Variants in SSBP4 observed in about 807,000 individuals in gnomAD.
The protein encoded by SSBP4 is single-stranded DNA-binding protein 4.
SSBP4 carries 33 observed loss-of-function variants against 64.6 expected under a neutral mutation model. That is an observed-to-expected ratio of 0.51 (90% confidence interval 0.39 to 0.68). The LOEUF is 0.68. Ranked by LOEUF, SSBP4 falls within the 30% of genes least tolerant of loss-of-function variation. SSBP4 has a pLI of 0.00. For missense variants in SSBP4, 583 were observed against 566.8 expected, an observed-to-expected ratio of 1.03 and a Z score of -0.29; for synonymous variants, 243 against 224.0, an observed-to-expected ratio of 1.08 and a Z score of -0.76.
chr19:18,404,267 C>A, the SSBP4 span, among the ~76,000 whole-genome samples: 1 of 151,736 alleles, frequency 6.6e-6, no homozygotes, highest in African/African-American at 2.4e-5. Flanking sequence ...CCTCAGAGAC[C>A]CTCAGAGATC....
At position 18,434,498 on chromosome 19, in the gene SSBP4, C is replaced by A. The variant is rs149055028; in HGVS notation, c.*252C>A. The A allele has an allele frequency of 1.4e-6, 1 of 736,660 alleles. No homozygotes were observed. The highest frequency in any genetic ancestry group is 3.6e-5 in the Admixed American group (1 of 27,542). 45.6% of individuals were successfully genotyped at this position (736,660 alleles called of 1,614,324 possible). On this transcript the variant is annotated 3_prime_UTR_variant, in exon 18 of 18. Coordinates refer to ENST00000270061, the MANE Select transcript of SSBP4 (RefSeq NM_032627.5). ...AGAGAGAAAGGCTCTTTGGGGGGCC[C>A]CTCTCCCCAGGACGTCAGGGGGTGG...
intron 1 of SSBP4, chr19:18,425,896 CCT>C (rs1568347157): frequency 6.6e-6 from 1 of 152,466 alleles, no homozygotes; most frequent in Non-Finnish European, 1.5e-5. Flanking sequence ...ACAGAGCTCA[CCT>C]CTCTTGACAG....
At chr19:18,416,717 T>TA (rs548283452), upstream of SSBP4, among the ~76,000 whole-genome samples, 15 of 152,358 alleles carry the variant, frequency 9.8e-5, no homozygotes, top group East Asian at 2.7e-3. Context: ...CCTTGGCCCT[T>TA]ACTGTGACTA....
chr19:18,406,795 GC>G, the SSBP4 span, among the ~76,000 whole-genome samples: 1 of 152,166 alleles, frequency 6.6e-6, no homozygotes, highest in African/African-American at 2.4e-5. Context: ...GGTCTGAGGG[GC>G]TCTGGAGCCA....
Position 18,433,230 on chromosome 19 carries a change from G to T in SSBP4, c.991+17G>T, listed in dbSNP as rs771084251. On this transcript the variant is annotated intron_variant, in intron 15 of 17. Coordinates refer to ENST00000270061, the MANE Select transcript of SSBP4 (RefSeq NM_032627.5). Reference sequence around the variant, plus strand: ...GATCCCTGGGTGAGTGGGCGTCCCTGCTCCCGCCCACGTTGCCTTCCGGGC... The same window carrying T: ...GATCCCTGGGTGAGTGGGCGTCCCTTCTCCCGCCCACGTTGCCTTCCGGGC... 3.0e-5 allele frequency: 46 copies of T among 1,549,746 alleles called. No individual in the cohort carries two copies. The highest frequency in any genetic ancestry group is 3.9e-5 in the Admixed American group (2 of 51,208).
upstream of SSBP4, among the ~76,000 whole-genome samples, chr19:18,417,744 C>G (rs1039245217): frequency 6.6e-6 from 1 of 152,082 alleles, no homozygotes; most frequent in Non-Finnish European, 1.5e-5. This position sits in a 1 kb window ranked among gnomAD's most constrained non-coding sequence, Gnocchi z 5.4. Flanking sequence ...GTGGGAAGGG[C>G]TGGCGTCCCC....
intron 4 of SSBP4, among the ~76,000 whole-genome samples, chr19:18,429,433 C>G (rs1439405802): frequency 1.4e-5 from 2 of 147,126 alleles, no homozygotes; most frequent in Non-Finnish European, 3.0e-5. Context: ...ATTAACTGCT[C>G]AGGGCCTAGA....
rs1405145252 is a variant in SSBP4, at chr19:18,432,814, G to C, written c.787-15G>C. 6 of 1,613,856 alleles carry C rather than the reference G, an allele frequency of 3.7e-6. No individual in the cohort carries two copies. Among genetic ancestry groups the C allele is most frequent in the Admixed American group, 1.7e-5 (1 of 59,992 alleles). Reference sequence around the variant, plus strand: ...TGAGGGGCCATTTCTCACGGTTCCTGTCTCTTGTGTGCAGGGACCCCCAGG... The same window carrying C: ...TGAGGGGCCATTTCTCACGGTTCCTCTCTCTTGTGTGCAGGGACCCCCAGG... On this transcript the variant is annotated splice_polypyrimidine_tract_variant and intron_variant, in intron 12 of 17. Transcript: ENST00000270061.
At chr19:18,418,870 G>T, upstream of SSBP4, 1 of 720,478 alleles carries the variant, frequency 1.4e-6, no homozygotes. The surrounding 1 kb of genome is among the most constrained non-coding windows in gnomAD (Gnocchi z 6.7). Context: ...GTGTGCGGTG[G>T]CCTGTGTTTA....
rs926353459 is a variant in SSBP4 at position 18,426,454 on chromosome 19, T to C, written c.60-897T>C. On this transcript the variant is annotated intron_variant, in intron 1 of 17. Coordinates refer to ENST00000270061, the MANE Select transcript of SSBP4 (RefSeq NM_032627.5). The surrounding 1 kb of genome is among the most constrained non-coding windows in gnomAD (Gnocchi z 4.5). ...AGCTCTGAGCAGGGAGCGGCTCAGTTCCAGGGAGGTCCAGAAGGGCTGGTG... is the reference window on the plus strand; with the variant it reads ...AGCTCTGAGCAGGGAGCGGCTCAGTCCCAGGGAGGTCCAGAAGGGCTGGTG... Among the ~76,000 whole-genome samples, 2 of 152,146 alleles carry C rather than the reference T, an allele frequency of 1.3e-5. No homozygotes were observed. Among genetic ancestry groups the C allele is most frequent in the African/African-American group, 2.4e-5 (1 of 41,414 alleles).
intron 1 of SSBP4, among the ~76,000 whole-genome samples, chr19:18,420,658 G>C (rs1182653319): frequency 4.6e-5 from 7 of 152,058 alleles, no homozygotes; most frequent in Non-Finnish European, 1.0e-4. Flanking sequence ...AAGAGATCGA[G>C]ACAATCCTGG....
chr19:18,415,188 GA>G (rs1174019032), upstream of SSBP4, among the ~76,000 whole-genome samples: 1 of 152,278 alleles, frequency 6.6e-6, no homozygotes, highest in East Asian at 1.9e-4. Flanking sequence ...CTTCTGAGAG[GA>G]AACGGTCTCC....
chr19:18,432,020 C>G lies in SSBP4; in HGVS notation c.586C>G (p.Pro196Ala). 6.4e-7 allele frequency: 1 copy of G among 1,574,062 alleles called. No homozygotes were observed. The highest frequency in any genetic ancestry group is 8.7e-7 in the Non-Finnish European group (1 of 1,155,766). ...CCCAGGGCATCCGAGCATGGGCGGC[C>G]CAATGCAGAGGGTGACGCCTCCTCG... ...RAQGHPSMGG[P>A]MQRVTPPRGM... Residue 196 changes from proline to alanine, a missense_variant, in exon 9 of 18, where the codon CCA becomes GCA. This residue lies in a region of SSBP4 where 444 missense variants were observed against 386.6 expected (regional missense o/e 1.15). Transcript: ENST00000270061.
chr19:18,424,285 C>T (rs1186879271), intron 1 of SSBP4, among the ~76,000 whole-genome samples: 1 of 152,314 alleles, frequency 6.6e-6, no homozygotes, highest in African/African-American at 2.4e-5. Context: ...GTCCCCGGGC[C>T]GGTTTGTTCA....
At chr19:18,408,929 C>T in the SSBP4 span, among the ~76,000 whole-genome samples, 1 of 152,030 alleles carries the variant, frequency 6.6e-6, no homozygotes, top group Non-Finnish European at 1.5e-5. Context: ...CCTCCTGGCT[C>T]AGCCTCCCAT....
chr19:18,422,308 A>C (rs1972521014), intron 1 of SSBP4, among the ~76,000 whole-genome samples: 1 of 152,028 alleles, frequency 6.6e-6, no homozygotes, highest in South Asian at 2.1e-4. Context: ...CTGTCCTCCC[A>C]CTCCCCAACC....
In SSBP4 at chr19:18,427,667, T is replaced by C; in HGVS notation, c.133-85T>C. The stretch of plus-strand genomic sequence containing the variant: ...TACCCTTCCCTCCCCACTCCCTCCC[T>C]GCCCAGATGTTCTCTGGGCACCCTG... On this transcript the variant is annotated intron_variant, in intron 2 of 17. Coordinates refer to ENST00000270061, the MANE Select transcript of SSBP4 (RefSeq NM_032627.5). The surrounding 1 kb of genome is among the most constrained non-coding windows in gnomAD (Gnocchi z 4.4). The C allele has an allele frequency of 6.8e-7, 1 of 1,466,642 alleles. No homozygotes were observed. Among genetic ancestry groups the C allele is most frequent in the Non-Finnish European group, 9.2e-7 (1 of 1,087,884 alleles). The allele number at this position is 1,466,642 out of a possible 1,614,324, so 90.9% of individuals were successfully genotyped here. A position where few individuals can be genotyped will look rare whatever the true frequency, so the allele number is the denominator to read the frequency against.
upstream of SSBP4, chr19:18,419,177 C>A: frequency 1.0e-6 from 1 of 985,714 alleles, no homozygotes; most frequent in Non-Finnish European, 1.2e-6. Flanking sequence ...TGCACGCGCG[C>A]GTGTGCAGCC....
At chr19:18,413,061 C>T in the SSBP4 span, among the ~76,000 whole-genome samples, 13 of 151,792 alleles carry the variant, frequency 8.6e-5, no homozygotes, top group East Asian at 1.9e-4. Flanking sequence ...CGCTCAGCCC[C>T]GCCTGGGACA....
Sources: allele counts gnomAD v4.1 joint callset (sites outside exome capture counted in the v4.1 genomes callset), GRCh38; gene constraint gnomAD v4.1.1; regional missense constraint gnomAD v4.1.1; non-coding constraint Gnocchi (gnomAD v3.1); transcripts MANE v1.5; gene names NCBI Gene and HGNC (gene_info 2026-07-23, HGNC 2026-07-21).